CLDN20: variants seen among roughly 807,000 people sequenced by gnomAD.
CLDN20 encodes claudin-20.
For missense variants in CLDN20, 258 were observed against 267.9 expected (o/e 0.96, Z 0.26); for synonymous variants, 104 against 103.6 (o/e 1.00, Z -0.03).
chr6:155,274,730 C>T (rs557167586), intron 1 of CLDN20, among the ~76,000 whole-genome samples: 1 of 152,366 alleles, frequency 6.6e-6, no homozygotes, highest in South Asian at 2.1e-4. Flanking sequence ...GTGACTCAGA[C>T]TTCTTTCCAC....
At chr6:155,266,846 C>CAAAAA (rs1213939199) in intron 1 of CLDN20, among the ~76,000 whole-genome samples, 2 of 62,832 alleles carry the variant, frequency 3.2e-5, no homozygotes, top group African/African-American at 6.2e-5. Context: ...GACTCCGTCT[C>CAAAAA]AAAAAAAAAA....
intron 1 of CLDN20, 146 bp downstream of exon 1, chr6:155,264,434 A>G (rs1245572766): frequency 6.6e-6 from 1 of 152,256 alleles, no homozygotes; most frequent in African/African-American, 2.4e-5. Context: ...ATCCATGTCC[A>G]AAAGCCAATT....
rs927718 is a variant in CLDN20, at chr6:155,275,767, T to C, written c.48T>C (p.Ser16=). The change falls in exon 2 of 2, where the codon TCT becomes TCC. Residue 16 remains serine, a synonymous_variant. Transcript: ENST00000367165. The stretch of plus-strand genomic sequence containing the variant: ...TCCTTGCTTTCATCCTGGCCTTATC[T>C]GGGGTCTCTGGAGTGCTCACAGCCA... ...LQLLAFILAL[S]GVSGVLTATL... 1,019,572 of 1,613,612 alleles carry C rather than the reference T, an allele frequency of 0.63. 327,588 individuals carry two copies. The highest frequency in any genetic ancestry group is 0.98 in the East Asian group (44,027 of 44,870).
At chr6:155,275,009 G>A (rs992337019) in intron 1 of CLDN20, among the ~76,000 whole-genome samples, 1 of 151,952 alleles carries the variant, frequency 6.6e-6, no homozygotes, top group Admixed American at 6.5e-5. Context: ...ACGAGGTCAG[G>A]AGATCGAGAC....
chr6:155,276,482 AG>A lies in CLDN20; in HGVS notation c.*104del. 9.4e-7 allele frequency: 1 copy of A among 1,060,830 alleles called. No individual in the cohort carries two copies. Among genetic ancestry groups the A allele is most frequent in the East Asian group, 2.6e-5 (1 of 38,924 alleles). 65.7% of individuals were successfully genotyped at this position (1,060,830 alleles called of 1,614,324 possible). A position where few individuals can be genotyped will look rare whatever the true frequency, so the allele number is the denominator to read the frequency against. ...GCTTAACTTTCCCTACAAAGAAAGT[AG>A]AATGTAAAATACTTTAACAACTACA... On this transcript the variant is annotated 3_prime_UTR_variant, in exon 2 of 2. Transcript: ENST00000367165.
intron 1 of CLDN20, among the ~76,000 whole-genome samples, chr6:155,272,001 A>G (rs1056420154): frequency 5.9e-5 from 9 of 152,196 alleles, no homozygotes; most frequent in African/African-American, 1.9e-4. Context: ...TAACACCATC[A>G]GCAGTTTTTA....
chr6:155,264,478 C>G (rs1182759825), intron 1 of CLDN20, among the ~76,000 whole-genome samples, 190 bp downstream of exon 1: 1 of 152,232 alleles, frequency 6.6e-6, no homozygotes, highest in Middle Eastern at 3.2e-3. Context: ...AACCTTAAAG[C>G]TGACAGCATT....
intron 1 of CLDN20, among the ~76,000 whole-genome samples, chr6:155,273,241 C>T (rs1785023131): frequency 6.6e-6 from 1 of 152,178 alleles, no homozygotes; most frequent in African/African-American, 2.4e-5. Flanking sequence ...TGTATGATAG[C>T]AGGTGAATCC....
intron 1 of CLDN20, among the ~76,000 whole-genome samples, chr6:155,274,540 C>G (rs979736489): frequency 5.3e-5 from 8 of 152,320 alleles, no homozygotes; most frequent in Non-Finnish European, 2.9e-5. Context: ...TTCAGAATAG[C>G]CGGCTTCATT....
intron 1 of CLDN20, among the ~76,000 whole-genome samples, chr6:155,269,324 C>CTTTTCTTT (rs532919388): frequency 6.3e-5 from 8 of 127,242 alleles, no homozygotes; most frequent in Non-Finnish European, 1.1e-4. Context: ...CTTTTCTTTT[C>CTTTTCTTT]TTTTTTTTTT....
intron 1 of CLDN20, among the ~76,000 whole-genome samples, chr6:155,264,834 A>G (rs923653755): frequency 6.6e-6 from 1 of 152,204 alleles, no homozygotes; most frequent in African/African-American, 2.4e-5. Context: ...AAATGTACAT[A>G]TGTATGTATG....
rs749723059 is a variant in CLDN20 at position 155,276,149 on chromosome 6, AT to A, written c.431del (p.Ile144LysfsTer7). ...ISTVWYTKEI[I>X]ANFLDLTVPE... Reference sequence around the variant, plus strand: ...GACAGTGTGGTACACAAAGGAGATCATAGCAAACTTTCTGGATCTGACAGTT... The same window carrying A: ...GACAGTGTGGTACACAAAGGAGATCAAGCAAACTTTCTGGATCTGACAGTT... On this transcript the variant is annotated frameshift_variant, in exon 2 of 2. Transcript: ENST00000367165. LOFTEE classifies it low-confidence loss of function (END_TRUNC). The A allele has an allele frequency of 1.9e-6, 3 of 1,614,228 alleles. No individual in the cohort carries two copies. The highest frequency in any genetic ancestry group is 1.3e-5 in the African/African-American group (1 of 75,062).
intron 1 of CLDN20, among the ~76,000 whole-genome samples, chr6:155,268,402 TCA>T (rs1491130637): frequency 6.6e-6 from 1 of 152,214 alleles, no homozygotes; most frequent in Non-Finnish European, 1.5e-5. Context: ...GAGGTCTCTC[TCA>T]TAAGCCTGTT....
intron 1 of CLDN20, among the ~76,000 whole-genome samples, chr6:155,265,897 G>A (rs555712952): frequency 1.2e-4 from 18 of 151,920 alleles, no homozygotes; most frequent in Non-Finnish European, 1.3e-4. Context: ...TTCCAAAACT[G>A]AAGAACTTGG....
chr6:155,273,564 G>C (rs191276438), intron 1 of CLDN20, among the ~76,000 whole-genome samples: 1 of 152,096 alleles, frequency 6.6e-6, no homozygotes, highest in Admixed American at 6.5e-5. Flanking sequence ...TTTTTTCCTT[G>C]GTGGGGAGGG....
intron 1 of CLDN20, among the ~76,000 whole-genome samples, chr6:155,267,768 C>T (rs1784728289): frequency 6.6e-6 from 1 of 152,164 alleles, no homozygotes; most frequent in Admixed American, 6.5e-5. Flanking sequence ...CAAGAATGAC[C>T]TAATTTGTAT....
In CLDN20 at chr6:155,275,961, G is replaced by C; in HGVS notation, c.242G>C (p.Arg81Thr). 4 of 1,614,142 alleles carry C rather than the reference G, an allele frequency of 2.5e-6. No individual in the cohort carries two copies. The highest frequency in any genetic ancestry group is 3.4e-6 in the Non-Finnish European group (4 of 1,180,034). ...CTCCCCATCCACGTGCAGGCTGCGA[G>C]AGCCACCATGGTCCTGGCGTGTGTT... ...LSLPIHVQAA[R>T]ATMVLACVLS... Residue 81 changes from arginine to threonine, a missense_variant, in exon 2 of 2, where the codon AGA becomes ACA. Arg to Thr is a moderately conservative substitution (Grantham distance 71, BLOSUM62 -1). Coordinates refer to ENST00000367165, the MANE Select transcript of CLDN20 (RefSeq NM_001001346.3).
intron 1 of CLDN20, among the ~76,000 whole-genome samples, chr6:155,266,253 A>G (rs1196063511): frequency 2.6e-5 from 4 of 152,226 alleles, no homozygotes; most frequent in South Asian, 2.1e-4. Context: ...TTTGAAAAAT[A>G]CAAGGATGGG....
chr6:155,276,243 T>C lies in CLDN20; in HGVS notation c.524T>C (p.Phe175Ser). ...GGATTCATTTCTGCAATGCTGTTGT[T>C]TATCTCTGGCATGATTTTCTGCACC... ...YIGFISAMLL[F>S]ISGMIFCTSC... The change falls in exon 2 of 2, where the codon TTT becomes TCT. Residue 175 changes from phenylalanine to serine, a missense_variant. Phe to Ser is a radical substitution (Grantham distance 155). Transcript: ENST00000367165. 2 of 1,614,122 alleles carry C rather than the reference T, an allele frequency of 1.2e-6. No individual in the cohort carries two copies. The highest frequency in any genetic ancestry group is 1.7e-6 in the Non-Finnish European group (2 of 1,180,016).
Sources: allele counts gnomAD v4.1 joint callset (sites outside exome capture counted in the v4.1 genomes callset), GRCh38; gene constraint gnomAD v4.1.1; transcripts MANE v1.5; gene names NCBI Gene and HGNC (gene_info 2026-07-23, HGNC 2026-07-21).